The following MAP2K5 variants were observed in gnomAD, a reference collection of about 807,000 sequenced individuals.
The protein encoded by MAP2K5 is dual specificity mitogen-activated protein kinase kinase 5.
MAP2K5 carries 49 observed loss-of-function variants against 83.1 expected under a neutral mutation model. The ratio of observed to expected loss-of-function variants is 0.59; its 90% CI spans 0.47 to 0.75. MAP2K5 has a LOEUF of 0.75. Among genes scored for constraint, MAP2K5 ranks in the 30% least tolerant of loss-of-function variants. The pLI, the probability that MAP2K5 is intolerant of heterozygous loss-of-function variation, is 0.00. For synonymous variants in MAP2K5, 202 were observed against 191.8 expected (o/e 1.05, Z -0.44); for missense variants, 457 against 557.5 (o/e 0.82, Z 1.82).
intron 12 of MAP2K5, among the ~76,000 whole-genome samples, chr15:67,663,727 T>C (rs1276164136): frequency 1.3e-5 from 2 of 151,970 alleles, no homozygotes; most frequent in African/African-American, 4.8e-5. Flanking sequence ...ATTTTAAAAT[T>C]AGCAGGGTAT....
rs2084991750 is a variant in MAP2K5, at chr15:67,573,549, G to A, written c.253-7205G>A. On this transcript the variant is annotated intron_variant, in intron 3 of 21. Transcript: ENST00000178640. This position sits in a 1 kb window ranked among gnomAD's most constrained non-coding sequence, Gnocchi z 4.2. Reference sequence around the variant, plus strand: ...TCCTCCAATTAAACATGAGATTTGTGGGCGGGTACACAAATCCAAACCATA... The same window carrying A: ...TCCTCCAATTAAACATGAGATTTGTAGGCGGGTACACAAATCCAAACCATA... Among the ~76,000 whole-genome samples the A allele has an allele frequency of 6.6e-6, 1 of 152,038 alleles. No homozygotes were observed. The highest frequency in any genetic ancestry group is 2.4e-5 in the African/African-American group (1 of 41,392).
At position 67,717,683 on chromosome 15, in the gene MAP2K5, G is replaced by C. The variant is rs1239745083; in HGVS notation, c.1045-10233G>C. Among the ~76,000 whole-genome samples, 3 of 152,250 alleles carry C rather than the reference G, an allele frequency of 2.0e-5. No individual in the cohort carries two copies. The highest frequency in any genetic ancestry group is 4.4e-5 in the Non-Finnish European group (3 of 68,042). On this transcript the variant is annotated intron_variant, in intron 16 of 21. Coordinates refer to ENST00000178640, the MANE Select transcript of MAP2K5 (RefSeq NM_145160.3). The surrounding 1 kb of genome is among the most constrained non-coding windows in gnomAD (Gnocchi z 4.1). ...ATCAAAAGCCTCTCATGAGGTTGCAGTTGGGTAGTGGTTAAGGATGGAAGA... is the reference window on the plus strand; with the variant it reads ...ATCAAAAGCCTCTCATGAGGTTGCACTTGGGTAGTGGTTAAGGATGGAAGA...
intron 6 of MAP2K5, among the ~76,000 whole-genome samples, chr15:67,588,655 A>G: frequency 6.6e-6 from 1 of 152,224 alleles, no homozygotes; most frequent in Admixed American, 6.5e-5. Context: ...TTTCTTTTAC[A>G]TCTTACCTCT....
intron 8 of MAP2K5, among the ~76,000 whole-genome samples, chr15:67,612,073 C>A (rs75119190): frequency 1.7e-5 from 2 of 117,222 alleles, no homozygotes; most frequent in East Asian, 2.5e-4. Flanking sequence ...CTTTGGTTTT[C>A]TTTTTTTTTT....
Position 67,665,783 on chromosome 15 carries a change from T to TA in MAP2K5, c.847+1139dup, listed in dbSNP as rs2087361386. ...GTATAGTTGGTGCGAAAGGTAGGTG[T>TA]AGGGAGAGTGAGTTTTGTTAGTGTT... On this transcript the variant is annotated intron_variant, in intron 13 of 21. Coordinates refer to ENST00000178640, the MANE Select transcript of MAP2K5 (RefSeq NM_145160.3). This position sits in a 1 kb window ranked among gnomAD's most constrained non-coding sequence, Gnocchi z 4.2. 6.6e-6 allele frequency among the ~76,000 whole-genome samples: 1 copy of TA among 152,152 alleles called. No homozygotes were observed. Among genetic ancestry groups the TA allele is most frequent in the South Asian group, 2.1e-4 (1 of 4,822 alleles).
chr15:67,567,966 T>A (rs754553523), intron 3 of MAP2K5, among the ~76,000 whole-genome samples: 14 of 152,192 alleles, frequency 9.2e-5, no homozygotes, highest in Non-Finnish European at 1.3e-4. Flanking sequence ...ATTAAGAAAT[T>A]CAGCCAATAC....
chr15:67,622,144 CAAAAAAAAA>C (rs11289969), intron 8 of MAP2K5, among the ~76,000 whole-genome samples: 1 of 90,690 alleles, frequency 1.1e-5, no homozygotes, highest in African/African-American at 4.1e-5. Flanking sequence ...GGCTCCATCT[CAAAAAAAAA>C]AAAAAAAAAA....
At chr15:67,592,818 A>G (rs1267345449) in intron 6 of MAP2K5, 108 bp from the exon 7 acceptor site, 1 of 732,014 alleles carries the variant, frequency 1.4e-6, no homozygotes, top group African/African-American at 1.8e-5. Context: ...TGTGAAGAAT[A>G]TGCTCAATCC....
chr15:67,597,326 T>G (rs1219717534), intron 7 of MAP2K5, among the ~76,000 whole-genome samples: 2 of 152,262 alleles, frequency 1.3e-5, no homozygotes, highest in Admixed American at 6.5e-5. Context: ...TTTTAACTTG[T>G]GTCTTTCAGT....
intron 2 of MAP2K5, among the ~76,000 whole-genome samples, chr15:67,554,427 G>A (rs1349180470): frequency 6.6e-6 from 1 of 152,208 alleles, no homozygotes; most frequent in Non-Finnish European, 1.5e-5. Context: ...AAGAAATGGT[G>A]TTATAGTTAG....
chr15:67,707,846 A>G (rs1014631740), intron 16 of MAP2K5, among the ~76,000 whole-genome samples: 1 of 152,240 alleles, frequency 6.6e-6, no homozygotes, highest in African/African-American at 2.4e-5. Flanking sequence ...GGAGAGATCA[A>G]ATGTCAAAGT....
intron 17 of MAP2K5, among the ~76,000 whole-genome samples, chr15:67,739,271 C>A (rs1236502181): frequency 7.1e-6 from 1 of 140,374 alleles, no homozygotes; most frequent in Non-Finnish European, 1.5e-5. Flanking sequence ...CAGAGTGAGA[C>A]CCTGTCTCAA....
intron 13 of MAP2K5, among the ~76,000 whole-genome samples, chr15:67,688,815 C>T (rs891889599): frequency 6.6e-6 from 1 of 152,138 alleles, no homozygotes; most frequent in Non-Finnish European, 1.5e-5. Context: ...GTGACAGGAT[C>T]AAAAAGACTA....
At chr15:67,609,168 G>C (rs1255609319) in intron 8 of MAP2K5, among the ~76,000 whole-genome samples, 1 of 152,114 alleles carries the variant, frequency 6.6e-6, no homozygotes, top group Admixed American at 6.5e-5. Context: ...ACTAAATTCA[G>C]CATTCAGTTA....
chr15:67,701,537 A>G (rs899540498), intron 15 of MAP2K5, among the ~76,000 whole-genome samples: 1 of 152,224 alleles, frequency 6.6e-6, no homozygotes, highest in Admixed American at 6.5e-5. Flanking sequence ...GGAGTAGAGA[A>G]AGGTTTCACC....
intron 13 of MAP2K5, among the ~76,000 whole-genome samples, chr15:67,691,554 T>G (rs1480449123): frequency 6.6e-6 from 1 of 152,144 alleles, no homozygotes; most frequent in Non-Finnish European, 1.5e-5. Context: ...TCAGTGTAGT[T>G]GAGATTATAT....
Position 67,783,928 on chromosome 15 carries a change from T to C in MAP2K5, c.1242+11176T>C, listed in dbSNP as rs562330844. ...AGCCTCTAATAGCCACACTAGCCAG[T>C]ATTCATACTACAATTTATTTTCTCT... On this transcript the variant is annotated intron_variant, in intron 21 of 21. Transcript: ENST00000178640. This position sits in a 1 kb window ranked among gnomAD's most constrained non-coding sequence, Gnocchi z 5.1. Among the ~76,000 whole-genome samples, 1 of 152,346 alleles carries C rather than the reference T, an allele frequency of 6.6e-6. No individual in the cohort carries two copies. Among genetic ancestry groups the C allele is most frequent in the South Asian group, 2.1e-4 (1 of 4,822 alleles).
chr15:67,612,646 A>G (rs1430199670), intron 8 of MAP2K5, among the ~76,000 whole-genome samples: 6 of 152,198 alleles, frequency 3.9e-5, no homozygotes, highest in Admixed American at 3.9e-4. Context: ...CCTAGTCATG[A>G]TATGCCCATT....
At position 67,736,364 on chromosome 15, in the gene MAP2K5, C is replaced by T. The variant is rs1482146730; in HGVS notation, c.1074+8419C>T. Among the ~76,000 whole-genome samples, 2 of 152,196 alleles carry T rather than the reference C, an allele frequency of 1.3e-5. No individual in the cohort carries two copies. Among genetic ancestry groups the T allele is most frequent in the East Asian group, 3.8e-4 (2 of 5,200 alleles). On this transcript the variant is annotated intron_variant, in intron 17 of 21. Transcript: ENST00000178640. The surrounding 1 kb of genome is among the most constrained non-coding windows in gnomAD (Gnocchi z 4.3). ...TTGGCTTGGTATATCACGGCATTTT[C>T]TAGACTGCTGGGGAGGAATTGTCAT...
Sources: gnomAD v4.1 joint callset for allele counts (sites outside exome capture counted in the v4.1 genomes callset) on GRCh38, gnomAD v4.1.1 for gene constraint, Gnocchi (gnomAD v3.1) non-coding constraint, MANE v1.5 for transcripts, NCBI Gene and HGNC (gene_info 2026-07-23, HGNC 2026-07-21) for gene names.